NRBP1: variants seen among roughly 807,000 people sequenced by gnomAD.
NRBP1 encodes nuclear receptor binding protein 1.
In NRBP1, 10 loss-of-function variants were observed where a neutral mutation model predicts 76.0. The observed-to-expected ratio is 0.13, with a 90% confidence interval of 0.08 to 0.22. The LOEUF is 0.22. NRBP1 is among the 10% of genes least tolerant of loss of function. NRBP1 has a pLI of 1.00. For synonymous variants in NRBP1, 235 were observed against 240.2 expected (o/e 0.98, Z 0.20); for missense variants, 344 against 646.0 (o/e 0.53, Z 5.07).
Position 27,440,641 on chromosome 2 carries a change from T to C in NRBP1, c.1143-11T>C. The C allele has an allele frequency of 6.2e-7, 1 of 1,614,146 alleles. No homozygotes were observed. Among genetic ancestry groups the C allele is most frequent in the Non-Finnish European group, 8.5e-7 (1 of 1,179,996 alleles). On this transcript the variant is annotated splice_polypyrimidine_tract_variant and intron_variant, in intron 12 of 17. Coordinates refer to ENST00000379852, the MANE Select transcript of NRBP1 (RefSeq NM_013392.4). ...TCTTTCCTTCCATCTCCTTTCTCTT[T>C]TCTCGTCCAGGTACTCTCAGTCACC...
chr2:27,437,024 A>G, intron 8 of NRBP1, 23 bp from the exon 9 acceptor site: 1 of 1,609,702 alleles, frequency 6.2e-7, no homozygotes, highest in South Asian at 1.1e-5. Flanking sequence ...CTGATTAACC[A>G]AAGCCTTCTC....
At chr2:27,428,767 G>A (rs907956798) in intron 1 of NRBP1, 36 bp downstream of exon 1, 17 of 398,178 alleles carry the variant, frequency 4.3e-5, no homozygotes, top group Non-Finnish European at 7.1e-5. Flanking sequence ...CGGGAGGGAG[G>A]GGTTCGCGAG....
chr2:27,438,360 G>A (rs1447176266), intron 10 of NRBP1, among the ~76,000 whole-genome samples: 1 of 152,078 alleles, frequency 6.6e-6, no homozygotes, highest in Non-Finnish European at 1.5e-5. Context: ...AGTTAGGGAC[G>A]GTGGCCTGAA....
chr2:27,430,815 C>T (rs1664084758), intron 1 of NRBP1, among the ~76,000 whole-genome samples: 1 of 152,072 alleles, frequency 6.6e-6, no homozygotes, highest in Admixed American at 6.5e-5. Flanking sequence ...CACACAGGTT[C>T]CAACTCCTTC....
intron 12 of NRBP1, 38 bp downstream of exon 12, chr2:27,440,546 C>T (rs750497282): frequency 6.3e-7 from 1 of 1,596,710 alleles, no homozygotes; most frequent in South Asian, 1.1e-5. Context: ...GCAGATTGGT[C>T]ACGACCACTC....
intron 9 of NRBP1, 51 bp from the exon 10 acceptor site, chr2:27,437,211 G>A (rs756238729): frequency 6.4e-7 from 1 of 1,570,838 alleles, no homozygotes; most frequent in South Asian, 1.1e-5. Flanking sequence ...GATTGTGGGA[G>A]CACTGAAGTT....
At chr2:27,433,079 A>G (rs1412075964) in intron 1 of NRBP1, among the ~76,000 whole-genome samples, 175 bp from the exon 2 acceptor site, 1 of 151,894 alleles carries the variant, frequency 6.6e-6, no homozygotes, top group Non-Finnish European at 1.5e-5. Flanking sequence ...GGGTTTCACC[A>G]TGTTGATCAG....
chr2:27,433,044 T>C (rs1336961350), intron 1 of NRBP1, among the ~76,000 whole-genome samples: 1 of 152,110 alleles, frequency 6.6e-6, no homozygotes, highest in African/African-American at 2.4e-5. Flanking sequence ...CACACCCAGC[T>C]AATTTTGTAT....
intron 1 of NRBP1, among the ~76,000 whole-genome samples, chr2:27,430,958 A>G (rs1178985235): frequency 6.6e-6 from 1 of 152,220 alleles, no homozygotes; most frequent in Admixed American, 6.5e-5. Flanking sequence ...GTTATGCTGT[A>G]TAATACTTTT....
intron 7 of NRBP1, chr2:27,436,542 T>G: frequency 1.8e-6 from 1 of 557,474 alleles, no homozygotes; most frequent in Non-Finnish European, 3.2e-6. Context: ...TTAGGGACAT[T>G]AGATGAGAAG....
chr2:27,437,348 C>T lies in NRBP1; in HGVS notation c.891C>T (p.Asp297=). Residue 297 remains aspartate (D), a synonymous_variant, in exon 10 of 18, where the codon GAC becomes GAT. Coordinates refer to ENST00000379852, the MANE Select transcript of NRBP1 (RefSeq NM_013392.4). The part of the protein sequence containing the change: ...AISSAIQLLE[D]PLQREFIQKC... ...GCAGTGCCATCCAGCTTCTAGAAGA[C>T]CCATTACAGAGGGTAAGGATCTTCA... 1.2e-6 allele frequency: 2 copies of T among 1,612,232 alleles called. No homozygotes were observed. The highest frequency in any genetic ancestry group is 1.7e-6 in the Non-Finnish European group (2 of 1,178,400).
rs1398137355 is a variant in NRBP1 at position 27,436,736 on chromosome 2, G to A, written c.662-17G>A. The A allele has an allele frequency of 1.2e-6, 2 of 1,606,736 alleles. No homozygotes were observed. Among genetic ancestry groups the A allele is most frequent in the African/African-American group, 2.7e-5 (2 of 74,746 alleles). On this transcript the variant is annotated splice_polypyrimidine_tract_variant and intron_variant, in intron 7 of 17. Transcript: ENST00000379852. ...CATTGATGATGGTCAGATTGTGGGTGTCTCCCCTACTCCCAGTGGCTCCTG... is the reference window on the plus strand; with the variant it reads ...CATTGATGATGGTCAGATTGTGGGTATCTCCCCTACTCCCAGTGGCTCCTG...
chr2:27,435,473 G>A (rs1011743478), intron 7 of NRBP1: 1 of 604,682 alleles, frequency 1.7e-6, no homozygotes, highest in Non-Finnish European at 2.9e-6. Context: ...ATAAGAGGCT[G>A]GGAAAGGGCA....
In NRBP1 at chr2:27,441,273, C is replaced by A; in HGVS notation, c.1390C>A (p.Leu464Ile). The change falls in exon 16 of 18, where the codon CTT (leucine) becomes ATT (isoleucine). Residue 464 changes from leucine (L) to isoleucine (I), a missense_variant. Coordinates refer to ENST00000379852, the MANE Select transcript of NRBP1 (RefSeq NM_013392.4). ...VEEGVKHHLT[L>I]LLKLEDKLNR... is the part of the protein sequence containing the mutation. Reference sequence around the variant, plus strand: ...TGACTGTCCTATTCTCCAGCTGACACTTCTGCTGAAGTTGGAGGACAAACT... The same window carrying A: ...TGACTGTCCTATTCTCCAGCTGACAATTCTGCTGAAGTTGGAGGACAAACT... 6.2e-7 allele frequency: 1 copy of A among 1,614,082 alleles called. No individual in the cohort carries two copies.
At chr2:27,433,578 T>C (rs1664189527) in intron 2 of NRBP1, 95 bp downstream of exon 2, 32 of 1,601,954 alleles carry the variant, frequency 2.0e-5, no homozygotes, top group South Asian at 1.0e-4. Context: ...CAAACTTCAA[T>C]AGGTTGGGGG....
Position 27,441,721 on chromosome 2 carries a change from G to C in NRBP1, c.1517G>C (p.Arg506Pro), listed in dbSNP as rs141700147. Residue 506 changes from arginine to proline, a missense_variant, in exon 18 of 18, where the codon CGG becomes CCG. Physicochemically the swap from Arg to Pro is moderately radical, Grantham distance 103 (BLOSUM62 -2). Around this residue, in one of 3 missense-constraint regions of NRBP1, gnomAD observed 218 missense variants for 309.8 expected, o/e 0.70. Coordinates refer to ENST00000379852, the MANE Select transcript of NRBP1 (RefSeq NM_013392.4). ...LGFISEADQS[R>P]LTSLLEETLN... ...CTTCTCCCCCAGGCTGACCAGAGCC[G>C]GTTGACTTCTCTGCTAGAAGAGACC... The C allele has an allele frequency of 1.9e-6, 3 of 1,613,668 alleles. No homozygotes were observed. Among genetic ancestry groups the C allele is most frequent in the African/African-American group, 1.3e-5 (1 of 74,854 alleles).
At chr2:27,435,491 G>C (rs1328840278) in intron 7 of NRBP1, 2 of 610,520 alleles carry the variant, frequency 3.3e-6, no homozygotes, top group Admixed American at 5.7e-5. Context: ...GCAAGAGATA[G>C]GTTTGAGGTT....
intron 14 of NRBP1, 49 bp from the exon 15 acceptor site, chr2:27,441,078 G>A: frequency 6.2e-7 from 1 of 1,611,090 alleles, no homozygotes; most frequent in Non-Finnish European, 8.5e-7. Context: ...TCTAGGTATT[G>A]GGTTTTTTAT....
chr2:27,428,892 C>T (rs1663981462), intron 1 of NRBP1, among the ~76,000 whole-genome samples, 161 bp downstream of exon 1: 1 of 152,168 alleles, frequency 6.6e-6, no homozygotes, highest in African/African-American at 2.4e-5. Flanking sequence ...CTGCTGGAGC[C>T]GAGGGGCCGC....
Sources: allele counts gnomAD v4.1 joint callset (sites outside exome capture counted in the v4.1 genomes callset), GRCh38; gene constraint gnomAD v4.1.1; regional missense constraint gnomAD v4.1.1; transcripts MANE v1.5; gene names NCBI Gene and HGNC (gene_info 2026-07-23, HGNC 2026-07-21).